PFKFB3: variants seen among roughly 807,000 people sequenced by gnomAD.
PFKFB3 encodes the protein 6-phosphofructo-2-kinase/fructose-2,6-bisphosphatase 3.
PFKFB3 carries 33 observed loss-of-function variants against 68.0 expected under a neutral mutation model. That is an observed-to-expected ratio of 0.49 (90% CI 0.37 to 0.65). PFKFB3 has a LOEUF of 0.65. Among genes scored for constraint, PFKFB3 ranks in the 30% least tolerant of loss-of-function variants. PFKFB3 has a pLI of 0.00. For synonymous variants in PFKFB3, 315 were observed against 288.2 expected (o/e 1.09, Z -0.94); for missense variants, 586 against 712.2 (o/e 0.82, Z 2.02).
the PFKFB3 span, among the ~76,000 whole-genome samples, chr10:6,285,972 G>GTT: frequency 0.033 from 2,917 of 89,070 alleles, 3 homozygotes; most frequent in Non-Finnish European, 0.044. Flanking sequence ...TCCTTTCACT[G>GTT]TTTTTTTTTT....
intron 1 of PFKFB3, among the ~76,000 whole-genome samples, chr10:6,163,216 G>A (rs1405993761): frequency 1.3e-5 from 2 of 152,170 alleles, no homozygotes; most frequent in African/African-American, 2.4e-5. Context: ...CAATGCAGAG[G>A]TGGGGGCCAA....
At chr10:6,255,532 G>C (rs549667354), downstream of PFKFB3, among the ~76,000 whole-genome samples, 56 of 152,308 alleles carry the variant, frequency 3.7e-4, no homozygotes, top group South Asian at 1.4e-3. Flanking sequence ...TTCGGGGAAG[G>C]GTACTTCAAC....
chr10:6,268,751 G>A, the PFKFB3 span, among the ~76,000 whole-genome samples: 12 of 151,608 alleles, frequency 7.9e-5, no homozygotes, highest in African/African-American at 2.7e-4. Context: ...GCTGGGTGAT[G>A]TGGCTCATGC....
At chr10:6,201,420 G>A (rs572556867), upstream of PFKFB3, among the ~76,000 whole-genome samples, 30 of 149,172 alleles carry the variant, frequency 2.0e-4, no homozygotes, top group Non-Finnish European at 4.2e-4. The surrounding 1 kb of genome is among the most constrained non-coding windows in gnomAD (Gnocchi z 4.1). Context: ...GCGGCGCGGG[G>A]GGCGGGGTGC....
At chr10:6,180,094 G>C (rs897369564) in intron 1 of PFKFB3, among the ~76,000 whole-genome samples, 1 of 151,968 alleles carries the variant, frequency 6.6e-6, no homozygotes, top group East Asian at 1.9e-4. Context: ...TGTAATCCCA[G>C]CACTTTGGGA....
Position 6,222,960 on chromosome 10 carries a change from G to T in PFKFB3, c.1189G>T (p.Ala397Ser). 1.2e-6 allele frequency: 2 copies of T among 1,613,658 alleles called. No homozygotes were observed. Among genetic ancestry groups the T allele is most frequent in the Non-Finnish European group, 1.7e-6 (2 of 1,179,764 alleles). Reference sequence around the variant, plus strand: ...CCAGGCCGTCCTGCGCTGCCTGCTTGCCTACTTCCTGGATAAGAGTGCAGG... The same window carrying T: ...CCAGGCCGTCCTGCGCTGCCTGCTTTCCTACTTCCTGGATAAGAGTGCAGG... Reference protein sequence around the residue: ...CHQAVLRCLLAYFLDKSAEEM... With the variant: ...CHQAVLRCLLSYFLDKSAEEM... Residue 397 changes from alanine (A) to serine (S), a missense_variant, in exon 11 of 15, where the codon GCC (alanine) becomes TCC (serine). Physicochemically the swap from Ala to Ser is moderately conservative, Grantham distance 99. Transcript: ENST00000379775.
At position 6,206,258 on chromosome 10, in the gene PFKFB3, A is replaced by G. The variant is rs1430713009; in HGVS notation, c.76+2922A>G. Among the ~76,000 whole-genome samples, 4 of 144,648 alleles carry G rather than the reference A, an allele frequency of 2.8e-5. No individual in the cohort carries two copies. In the East Asian group the frequency reaches 8.0e-4, roughly 29 times the overall value. The allele number at this position is 144,648 out of a possible 152,430, so 94.9% of individuals were successfully genotyped here. On this transcript the variant is annotated intron_variant, in intron 1 of 14. Coordinates refer to ENST00000379775, the MANE Select transcript of PFKFB3 (RefSeq NM_004566.4). The stretch of plus-strand genomic sequence containing the variant: ...ACACAGCACATGTTTCAGAGAGCAC[A>G]GGGTTGGGGGTAAGGTCATAGATCA...
chr10:6,301,749 G>A, the PFKFB3 span, among the ~76,000 whole-genome samples: 1 of 152,212 alleles, frequency 6.6e-6, no homozygotes, highest in African/African-American at 2.4e-5. Context: ...GTGAAAGGGA[G>A]CTCTAATTCA....
chr10:6,173,771 A>C (rs973401593), intron 1 of PFKFB3, among the ~76,000 whole-genome samples: 1 of 152,010 alleles, frequency 6.6e-6, no homozygotes, highest in Non-Finnish European at 1.5e-5. Context: ...CTCATTGTAG[A>C]GGACCTTCCG....
chr10:6,262,477 A>AT, the PFKFB3 span, among the ~76,000 whole-genome samples: 1 of 151,558 alleles, frequency 6.6e-6, no homozygotes, highest in Non-Finnish European at 1.5e-5. Flanking sequence ...AAAAAAAAAA[A>AT]AAGCTGTCTT....
At chr10:6,187,173 C>T (rs1842888675) in intron 1 of PFKFB3, among the ~76,000 whole-genome samples, 1 of 149,228 alleles carries the variant, frequency 6.7e-6, no homozygotes, top group South Asian at 2.1e-4. Context: ...CCAGCCTGGC[C>T]AACATGGTGA....
chr10:6,310,018 G>C, the PFKFB3 span, among the ~76,000 whole-genome samples: 1 of 152,096 alleles, frequency 6.6e-6, no homozygotes, highest in Non-Finnish European at 1.5e-5. Flanking sequence ...AGCTGTTTTC[G>C]CATAAATCAT....
At chr10:6,179,871 T>G (rs1245966327) in intron 1 of PFKFB3, among the ~76,000 whole-genome samples, 1 of 152,050 alleles carries the variant, frequency 6.6e-6, no homozygotes, top group Non-Finnish European at 1.5e-5. Context: ...TGATAAGTGA[T>G]GAGAAGACCG....
chr10:6,171,473 G>T (rs1842311338), intron 1 of PFKFB3, among the ~76,000 whole-genome samples: 1 of 149,790 alleles, frequency 6.7e-6, no homozygotes. Flanking sequence ...TTGGCTCACT[G>T]CAGTCTCAAC....
intron 1 of PFKFB3, among the ~76,000 whole-genome samples, chr10:6,145,299 T>TCGCGTCTCCTTTCCGGCCC (rs1564579778): frequency 6.6e-6 from 1 of 150,790 alleles, no homozygotes; most frequent in Non-Finnish European, 1.5e-5. Context: ...CTTTCCGGCC[T>TCGCGTCTCCTTTCCGGCCC]CGCGTCTCCT....
At chr10:6,242,224 C>T (rs57247470) in intron 14 of PFKFB3, among the ~76,000 whole-genome samples, 5,538 of 152,186 alleles carry the variant, frequency 0.036, 168 homozygotes, top group African/African-American at 0.081. Flanking sequence ...TTCCGTCTCC[C>T]CATTTATTTA....
intron 14 of PFKFB3, among the ~76,000 whole-genome samples, chr10:6,227,725 A>G (rs1031824222): frequency 1.3e-5 from 2 of 152,184 alleles, no homozygotes; most frequent in African/African-American, 2.4e-5. Context: ...TTAATTGCCC[A>G]GGTTCCTTCC....
the PFKFB3 span, among the ~76,000 whole-genome samples, chr10:6,311,367 C>A: frequency 1.4e-4 from 21 of 152,286 alleles, no homozygotes; most frequent in Non-Finnish European, 2.8e-4. Flanking sequence ...CCACCTGTGG[C>A]CTTTTGCTCT....
intron 1 of PFKFB3, among the ~76,000 whole-genome samples, chr10:6,167,346 C>A (rs1588409629): frequency 6.6e-6 from 1 of 152,370 alleles, no homozygotes; most frequent in East Asian, 1.9e-4. Context: ...CAGTGTCTGT[C>A]TGATACTGAG....
Sources: gnomAD v4.1 joint callset for allele counts (sites outside exome capture counted in the v4.1 genomes callset) on GRCh38, gnomAD v4.1.1 for gene constraint, Gnocchi (gnomAD v3.1) non-coding constraint, MANE v1.5 for transcripts, NCBI Gene and HGNC (gene_info 2026-07-23, HGNC 2026-07-21) for gene names.